Variants in CA9 observed in about 807,000 individuals in gnomAD.
CA9 encodes carbonic anhydrase 9.
CA9 carries 43 observed loss-of-function variants against 51.8 expected under a neutral mutation model. That is an observed-to-expected ratio of 0.83 (90% CI 0.65 to 1.07). The LOEUF is 1.07. Among genes scored for constraint, CA9 ranks in the 50% least tolerant of loss-of-function variants. The pLI is 0.00. For synonymous variants in CA9, 253 were observed against 244.2 expected (o/e 1.04, Z -0.34); for missense variants, 574 against 581.4 (o/e 0.99, Z 0.13).
Position 35,674,303 on chromosome 9 carries a change from C to T in CA9, c.344C>T (p.Thr115Ile). ...EGSLKLEDLP[T>I]VEAPGDPQEP... ...TCCCTGAAGTTAGAGGATCTACCTACTGTTGAGGCTCCTGGAGATCCTCAA... is the reference window on the plus strand; with the variant it reads ...TCCCTGAAGTTAGAGGATCTACCTATTGTTGAGGCTCCTGGAGATCCTCAA... The change falls in exon 1 of 11, where the codon ACT becomes ATT. Residue 115 changes from threonine to isoleucine, a missense_variant. Physicochemically the swap from Thr to Ile is moderately conservative, Grantham distance 89. Coordinates refer to ENST00000378357, the MANE Select transcript of CA9 (RefSeq NM_001216.3). 7 of 1,614,160 alleles carry T rather than the reference C, an allele frequency of 4.3e-6. No individual in the cohort carries two copies. The highest frequency in any genetic ancestry group is 5.9e-6 in the Non-Finnish European group (7 of 1,179,998).
At chr9:35,676,559 C>A (rs966304388) in intron 5 of CA9, among the ~76,000 whole-genome samples, 170 bp downstream of exon 5, 2 of 152,202 alleles carry the variant, frequency 1.3e-5, no homozygotes, top group African/African-American at 4.8e-5. Flanking sequence ...CAGGCACCAG[C>A]CCCCAACAAG....
Position 35,675,854 on chromosome 9 carries a change from C to T in CA9, c.527C>T (p.Ala176Val). ...IRPQLAAFCP[A>V]LRPLELLGFQ... is the part of the protein sequence containing the mutation. ...CCCCAGCTCGCCGCCTTCTGCCCGG[C>T]CCTGCGCCCCCTGGAACTCCTGGGC... The change falls in exon 3 of 11, where the codon GCC becomes GTC. Residue 176 changes from alanine to valine, a missense_variant. Coordinates refer to ENST00000378357, the MANE Select transcript of CA9 (RefSeq NM_001216.3). The T allele has an allele frequency of 6.2e-7, 1 of 1,605,258 alleles. No homozygotes were observed.
chr9:35,679,391 GTAAGA>G, intron 7 of CA9, 49 bp downstream of exon 7: 2 of 1,572,878 alleles, frequency 1.3e-6, no homozygotes, highest in Admixed American at 3.8e-5. Context: ...GAAAGAGGAT[GTAAGA>G]TGAGATGAGA....
rs1190666410 is a variant in CA9, at chr9:35,676,320, CG to C, written c.772del (p.Ala258ProfsTer74). 6.2e-7 allele frequency: 1 copy of C among 1,614,068 alleles called. No homozygotes were observed. Among genetic ancestry groups the C allele is most frequent in the South Asian group, 1.1e-5 (1 of 91,088 alleles). ...AEIHVVHLST[A>X]FARVDEALGR... ...AGATCCACGTGGTTCACCTCAGCAC[CG>C]CCTTTGCCAGAGTTGACGAGGCCTT... On this transcript the variant is annotated frameshift_variant, in exon 5 of 11. Transcript: ENST00000378357. LOFTEE classifies it high-confidence loss of function.
At chr9:35,680,191 T>C (rs1284249513) in intron 9 of CA9, 52 bp downstream of exon 9, 1 of 1,611,144 alleles carries the variant, frequency 6.2e-7, no homozygotes, top group East Asian at 2.2e-5. Flanking sequence ...CTCAGCACCA[T>C]TCAGCCCCAG....
Position 35,679,449 on chromosome 9 carries a change from G to A in CA9, c.1065+107G>A, listed in dbSNP as rs1402895662. On this transcript the variant is annotated intron_variant, in intron 7 of 10. Coordinates refer to ENST00000378357, the MANE Select transcript of CA9 (RefSeq NM_001216.3). ...ATCAAGGCTGGGCTCTGTGGCTTAC[G>A]CCTATAATCCCACCACGTTGGGAGG... The A allele has an allele frequency of 2.9e-6, 4 of 1,386,950 alleles. No individual in the cohort carries two copies. In the South Asian group the frequency reaches 4.3e-5, roughly 15 times the overall value. 85.9% of individuals were successfully genotyped at this position (1,386,950 alleles called of 1,614,324 possible). A position where few individuals can be genotyped will look rare whatever the true frequency, so the allele number is the denominator to read the frequency against.
intron 9 of CA9, among the ~76,000 whole-genome samples, chr9:35,680,426 G>A (rs950667080): frequency 1.3e-5 from 2 of 152,094 alleles, no homozygotes; most frequent in Non-Finnish European, 2.9e-5. Flanking sequence ...GTTGTGGCAC[G>A]ATCATAGCTC....
chr9:35,679,907 G>A lies in CA9; in HGVS notation c.1119G>A (p.Leu373=), dbSNP rs1476122053. Residue 373 remains leucine, a synonymous_variant, in exon 8 of 11, where the codon CTG becomes CTA. Coordinates refer to ENST00000378357, the MANE Select transcript of CA9 (RefSeq NM_001216.3). ...LWGPGDSRLQ[L]NFRATQPLNG... ...GACCTGGTGACTCTCGGCTACAGCT[G>A]AACTTCCGAGCGACGCAGCCTTTGA... 2 of 1,613,616 alleles carry A rather than the reference G, an allele frequency of 1.2e-6. No individual in the cohort carries two copies. The highest frequency in any genetic ancestry group is 2.2e-5 in the South Asian group (2 of 91,072).
rs962738520 is a variant in CA9, at chr9:35,680,768, T to C, written c.1253T>C (p.Leu418Pro). 1.2e-6 allele frequency: 2 copies of C among 1,614,098 alleles called. No individual in the cohort carries two copies. The highest frequency in any genetic ancestry group is 1.6e-4 in the Middle Eastern group (1 of 6,082). Residue 418 changes from leucine (L) to proline (P), a missense_variant, in exon 10 of 11, where the codon CTG (leucine) becomes CCG (proline). Transcript: ENST00000378357. ...TCCATCGCAGGTGACATCCTAGCCC[T>C]GGTTTTTGGCCTCCTTTTTGCTGTC... is the stretch of plus-strand genomic sequence containing the variant. ...SCLAAGDILA[L>P]VFGLLFAVTS...
At position 35,680,014 on chromosome 9, in the gene CA9, G is replaced by C; in HGVS notation, c.1210+16G>C. ...GCTGAGCCAGGTACAGCTTTGTCTG[G>C]TTTCCCCCCAGCCAGTAGTCCCTTA... On this transcript the variant is annotated intron_variant, in intron 8 of 10. Coordinates refer to ENST00000378357, the MANE Select transcript of CA9 (RefSeq NM_001216.3). 6.2e-7 allele frequency: 1 copy of C among 1,614,190 alleles called. No homozygotes were observed. Among genetic ancestry groups the C allele is most frequent in the Non-Finnish European group, 8.5e-7 (1 of 1,180,040 alleles).
rs867565458 is a variant in CA9 at position 35,680,776 on chromosome 9, G to T, written c.1261G>T (p.Gly421Cys). The T allele has an allele frequency of 6.2e-7, 1 of 1,614,130 alleles. No homozygotes were observed. Among genetic ancestry groups the T allele is most frequent in the Non-Finnish European group, 8.5e-7 (1 of 1,179,986 alleles). Residue 421 changes from glycine to cysteine, a missense_variant, in exon 10 of 11, where the codon GGC (glycine) becomes TGC (cysteine). Coordinates refer to ENST00000378357, the MANE Select transcript of CA9 (RefSeq NM_001216.3). ...AAGDILALVF[G>C]LLFAVTSVAF... ...AGGTGACATCCTAGCCCTGGTTTTT[G>T]GCCTCCTTTTTGCTGTCACCAGCGT...
At position 35,674,105 on chromosome 9, in the gene CA9, T is replaced by C. The variant is rs967501960; in HGVS notation, c.146T>C (p.Leu49Ser). 1 of 1,614,080 alleles carries C rather than the reference T, an allele frequency of 6.2e-7. No individual in the cohort carries two copies. The highest frequency in any genetic ancestry group is 2.2e-5 in the East Asian group (1 of 44,878). Residue 49 changes from leucine to serine, a missense_variant, in exon 1 of 11, where the codon TTG (leucine) becomes TCG (serine). Leu to Ser is a moderately radical substitution (Grantham distance 145, BLOSUM62 -2). Transcript: ENST00000378357. ...RLPRMQEDSPLGGGSSGEDDP... is the reference protein window; with the variant it reads ...RLPRMQEDSPSGGGSSGEDDP... ...CCCCGGATGCAGGAGGATTCCCCCT[T>C]GGGAGGAGGCTCTTCTGGGGAAGAT...
rs765821136 is a variant in CA9, at chr9:35,675,834, G to A, written c.507G>A (p.Gln169=). 4 of 1,604,078 alleles carry A rather than the reference G, an allele frequency of 2.5e-6. No homozygotes were observed. The Admixed American group carries it at 6.7e-5, about 27-fold the overall frequency. ...AGTCCCCGGTGGATATCCGCCCCCA[G>A]CTCGCCGCCTTCTGCCCGGCCCTGC... ...RFQSPVDIRP[Q]LAAFCPALRP... Residue 169 remains glutamine (Q), a synonymous_variant, in exon 3 of 11, where the codon CAG becomes CAA. Transcript: ENST00000378357.
intron 5 of CA9, 74 bp from the exon 6 acceptor site, chr9:35,677,716 C>A (rs1824452254): frequency 5.5e-6 from 6 of 1,088,008 alleles, no homozygotes; most frequent in South Asian, 1.2e-5. Flanking sequence ...CTATGGGAAC[C>A]CCCCTTCATG....
intron 9 of CA9, among the ~76,000 whole-genome samples, chr9:35,680,371 C>G (rs185638034): frequency 1.1e-3 from 174 of 152,234 alleles, no homozygotes; most frequent in Middle Eastern, 3.4e-3. Context: ...CAATCCCCCC[C>G]CTTTTTTTAA....
intron 9 of CA9, among the ~76,000 whole-genome samples, chr9:35,680,370 C>CT (rs1004905260): frequency 2.0e-5 from 3 of 152,040 alleles, no homozygotes; most frequent in African/African-American, 7.3e-5. Context: ...ACAATCCCCC[C>CT]CCTTTTTTTA....
chr9:35,675,583 G>C lies in CA9; in HGVS notation c.433+16G>C, dbSNP rs1200750375. 1.2e-6 allele frequency: 2 copies of C among 1,613,678 alleles called. No homozygotes were observed. Among genetic ancestry groups the C allele is most frequent in the Non-Finnish European group, 1.7e-6 (2 of 1,179,826 alleles). On this transcript the variant is annotated intron_variant, in intron 2 of 10. Transcript: ENST00000378357. The stretch of plus-strand genomic sequence containing the variant: ...CGCTATGGAGGTGAGACACCCACCC[G>C]CTGCACAGACCCAATCTGGGAACCC...
intron 1 of CA9, chr9:35,674,988 CTTTTT>C (rs551485462): frequency 9.0e-5 from 12 of 132,996 alleles, no homozygotes; most frequent in South Asian, 2.3e-4. Context: ...TGCCCACTCA[CTTTTT>C]TTTTTTTTTT....
At chr9:35,679,726 T>C in intron 7 of CA9, 128 bp from the exon 8 acceptor site, 1 of 857,130 alleles carries the variant, frequency 1.2e-6, no homozygotes, top group South Asian at 1.9e-5. Flanking sequence ...ATAAAAGAAA[T>C]CAAGAGGCTG....
Sources: allele counts gnomAD v4.1 joint callset (sites outside exome capture counted in the v4.1 genomes callset), GRCh38; gene constraint gnomAD v4.1.1; transcripts MANE v1.5; gene names NCBI Gene and HGNC (gene_info 2026-07-23, HGNC 2026-07-21).